The following PRKN variants were observed in gnomAD, a reference collection of about 807,000 sequenced individuals.
PRKN encodes parkin RBR E3 ubiquitin protein ligase.
A neutral mutation model predicts 59.5 loss-of-function variants in PRKN; 56 were observed. The ratio of observed to expected loss-of-function variants is 0.94; its 90% CI spans 0.76 to 1.18. The LOEUF (loss-of-function observed/expected upper bound fraction) is 1.18. PRKN is among the 50% of genes most tolerant of loss of function. The probability of loss-of-function intolerance (pLI) is 0.00; values close to 1 mark genes in which losing one functional copy is unlikely to be tolerated. For missense variants in PRKN, 657 were observed against 596.4 expected, an observed-to-expected ratio of 1.10 and a Z score of -1.06; for synonymous variants, 250 against 222.1, an observed-to-expected ratio of 1.13 and a Z score of -1.12.
rs1303413863 is a variant in PRKN, at chr6:162,727,715, C to T, written c.-47G>A. The T allele has an allele frequency of 3.9e-6, 6 of 1,551,660 alleles. No individual in the cohort carries two copies. In the East Asian group the frequency reaches 9.8e-5, roughly 25 times the overall value. Reference sequence around the variant, plus strand: ...TGCGGGCCAGGAACAGGCCCATGCGCGCAGCGGCGCCAGCCGCGCCTCCCA... The same window carrying T: ...TGCGGGCCAGGAACAGGCCCATGCGTGCAGCGGCGCCAGCCGCGCCTCCCA... On this transcript the variant is annotated 5_prime_UTR_variant, in exon 1 of 12. Coordinates refer to ENST00000366898, the MANE Select transcript of PRKN (RefSeq NM_004562.3).
At position 161,701,338 on chromosome 6, in the gene PRKN, A is replaced by T. The variant is rs146598592; in HGVS notation, c.871+84434T>A. On this transcript the variant is annotated intron_variant, in intron 7 of 11. Transcript: ENST00000366898. Reference sequence around the variant, plus strand: ...CTCATTTGTGGGTGATTAAAATGTGAGTGATTAGAATGTGATGTCCTCATA... The same window carrying T: ...CTCATTTGTGGGTGATTAAAATGTGTGTGATTAGAATGTGATGTCCTCATA... 4.0e-3 allele frequency among the ~76,000 whole-genome samples: 608 copies of T among 152,258 alleles called. 6 individuals carry two copies. The highest frequency in any genetic ancestry group is 0.029 in the East Asian group (152 of 5,186).
intron 3 of PRKN, among the ~76,000 whole-genome samples, chr6:162,244,095 T>C (rs576143444): frequency 3.5e-4 from 54 of 152,230 alleles, no homozygotes; most frequent in Admixed American, 2.2e-3. Flanking sequence ...ACAAGCAGAA[T>C]GTAAACAACA....
chr6:161,417,228 A>T lies in PRKN; in HGVS notation c.1084-30351T>A, dbSNP rs533845991. 3.7e-4 allele frequency among the ~76,000 whole-genome samples: 56 copies of T among 152,226 alleles called. No individual in the cohort carries two copies. Among genetic ancestry groups the T allele is most frequent in the African/African-American group, 1.3e-3 (52 of 41,542 alleles). Reference sequence around the variant, plus strand: ...GCACTTTGGGAGGCCGAGGCTGCCAAATCACGAGGTCAAGAGATCAAGACC... The same window carrying T: ...GCACTTTGGGAGGCCGAGGCTGCCATATCACGAGGTCAAGAGATCAAGACC... On this transcript the variant is annotated intron_variant, in intron 9 of 11. Coordinates refer to ENST00000366898, the MANE Select transcript of PRKN (RefSeq NM_004562.3). The surrounding 1 kb of genome is among the most constrained non-coding windows in gnomAD (Gnocchi z 5.4).
chr6:162,214,846 C>T (rs1777568712), intron 3 of PRKN, among the ~76,000 whole-genome samples: 1 of 152,076 alleles, frequency 6.6e-6, no homozygotes, highest in African/African-American at 2.4e-5. Context: ...TTTATATTTG[C>T]TTTATAATTT....
chr6:162,073,251 A>C (rs1778661520), intron 4 of PRKN, among the ~76,000 whole-genome samples: 1 of 152,178 alleles, frequency 6.6e-6, no homozygotes, highest in African/African-American at 2.4e-5. Context: ...ACCTGGGACC[A>C]CTTTCAAGTA....
At chr6:162,399,709 G>C (rs1787661812) in intron 2 of PRKN, among the ~76,000 whole-genome samples, 1 of 151,906 alleles carries the variant, frequency 6.6e-6, no homozygotes, top group African/African-American at 2.4e-5. Flanking sequence ...CAACCAAGCA[G>C]TTGTGTCCAT....
intron 2 of PRKN, among the ~76,000 whole-genome samples, chr6:162,277,385 C>T (rs895060087): frequency 2.0e-5 from 3 of 152,112 alleles, no homozygotes; most frequent in African/African-American, 7.2e-5. Flanking sequence ...GACAATAAAA[C>T]AAATCGAGGT....
At chr6:162,048,210 T>C (rs151233408) in intron 5 of PRKN, among the ~76,000 whole-genome samples, 464 of 152,334 alleles carry the variant, frequency 3.0e-3, no homozygotes, top group Middle Eastern at 0.01. Flanking sequence ...AAAAATATTA[T>C]AGCTTGTGTA....
chr6:162,589,158 T>C (rs1275653826), intron 1 of PRKN, among the ~76,000 whole-genome samples: 3 of 152,192 alleles, frequency 2.0e-5, no homozygotes, highest in African/African-American at 7.2e-5. Flanking sequence ...CAAATTTTAG[T>C]GTTCTTTACA....
chr6:161,551,830 CG>C lies in PRKN; in HGVS notation c.934-2828del, dbSNP rs911655999. On this transcript the variant is annotated intron_variant, in intron 8 of 11. Transcript: ENST00000366898. The surrounding 1 kb of genome is among the most constrained non-coding windows in gnomAD (Gnocchi z 5.2). ...TACTATGCTGAAGGCAGGACTGAGA[CG>C]AGAAGCGCAGATGGACAGTTTAAGC... Among the ~76,000 whole-genome samples, 6 of 152,028 alleles carry C rather than the reference CG, an allele frequency of 3.9e-5. No homozygotes were observed. Among genetic ancestry groups the C allele is most frequent in the Non-Finnish European group, 5.9e-5 (4 of 68,026 alleles).
At chr6:161,972,594 C>T (rs1780861488) in intron 6 of PRKN, among the ~76,000 whole-genome samples, 1 of 152,156 alleles carries the variant, frequency 6.6e-6, no homozygotes, top group African/African-American at 2.4e-5. Context: ...AGGTCCCAAA[C>T]TAGCTACTTG....
intron 1 of PRKN, among the ~76,000 whole-genome samples, chr6:162,478,405 C>T (rs551712351): frequency 1.4e-4 from 22 of 152,294 alleles, no homozygotes; most frequent in Non-Finnish European, 2.5e-4. Flanking sequence ...GTTCATTAAA[C>T]GCACAGGAAG....
intron 6 of PRKN, among the ~76,000 whole-genome samples, chr6:161,951,566 A>G (rs1008050479): frequency 2.0e-5 from 3 of 152,192 alleles, no homozygotes; most frequent in Non-Finnish European, 4.4e-5. Flanking sequence ...TTAAAAAGAA[A>G]GATCACTCCA....
chr6:162,074,563 G>A (rs1360555649), intron 4 of PRKN, among the ~76,000 whole-genome samples: 1 of 151,608 alleles, frequency 6.6e-6, no homozygotes, highest in African/African-American at 2.4e-5. Context: ...ACACCAGCAT[G>A]GCACATGTAT....
At chr6:161,921,288 A>G (rs1286461549) in intron 6 of PRKN, among the ~76,000 whole-genome samples, 1 of 152,178 alleles carries the variant, frequency 6.6e-6, no homozygotes, top group African/African-American at 2.4e-5. Flanking sequence ...GGGCAATGAC[A>G]TGCATGGACC....
In PRKN at chr6:161,526,785, T is replaced by C. The variant is rs1278270163; in HGVS notation, c.1083+22069A>G. On this transcript the variant is annotated intron_variant, in intron 9 of 11. Transcript: ENST00000366898. This position sits in a 1 kb window ranked among gnomAD's most constrained non-coding sequence, Gnocchi z 4.1. ...ATGAAATAAACTGACAGTAGACAGA[T>C]CAACACGATAAAATACATACAAATT... is the stretch of plus-strand genomic sequence containing the variant. Among the ~76,000 whole-genome samples the C allele has an allele frequency of 2.0e-5, 3 of 152,134 alleles. No individual in the cohort carries two copies.
At position 162,240,228 on chromosome 6, in the gene PRKN, A is replaced by T. The variant is rs1054163258; in HGVS notation, c.412+22297T>A. On this transcript the variant is annotated intron_variant, in intron 3 of 11. Transcript: ENST00000366898. ...AGAGAAAAACAATTAAAAATTTTTT[A>T]AAATAAGATCTTTGAAAGTATATTA... Among the ~76,000 whole-genome samples, 197 of 152,332 alleles carry T rather than the reference A, an allele frequency of 1.3e-3. 1 individual carries two copies. Among genetic ancestry groups the T allele is most frequent in the African/African-American group, 4.3e-3 (180 of 41,580 alleles).
intron 5 of PRKN, among the ~76,000 whole-genome samples, chr6:162,020,831 G>A (rs1182743026): frequency 6.6e-5 from 10 of 151,848 alleles, no homozygotes; most frequent in African/African-American, 2.4e-4. Context: ...TGGGCCCGGC[G>A]CGGTGGCTCA....
At chr6:161,851,509 T>C (rs1793432353) in intron 6 of PRKN, among the ~76,000 whole-genome samples, 1 of 151,502 alleles carries the variant, frequency 6.6e-6, no homozygotes, top group Non-Finnish European at 1.5e-5. Flanking sequence ...TGAGACAGAG[T>C]CTCACTCTGT....
Sources: allele counts gnomAD v4.1 joint callset (sites outside exome capture counted in the v4.1 genomes callset), GRCh38; gene constraint gnomAD v4.1.1; non-coding constraint Gnocchi (gnomAD v3.1); transcripts MANE v1.5; gene names NCBI Gene and HGNC (gene_info 2026-07-23, HGNC 2026-07-21).